The following NUP88 variants were observed in gnomAD, a reference collection of about 807,000 sequenced individuals.
NUP88 encodes nuclear pore complex protein Nup88.
A neutral mutation model predicts 93.9 loss-of-function variants in NUP88; 57 were observed. That is an observed-to-expected ratio of 0.61 (90% confidence interval 0.49 to 0.76). NUP88 has a LOEUF of 0.76. NUP88 is among the 30% of genes least tolerant of loss of function. The pLI is 0.00. For synonymous variants in NUP88, 346 were observed against 336.8 expected, an observed-to-expected ratio of 1.03 and a Z score of -0.30; for missense variants, 911 against 901.0, an observed-to-expected ratio of 1.01 and a Z score of -0.14.
intron 8 of NUP88, among the ~76,000 whole-genome samples, chr17:5,396,757 A>G (rs1429873886): frequency 6.6e-6 from 1 of 152,218 alleles, no homozygotes; most frequent in Non-Finnish European, 1.5e-5. Context: ...GCACTGTATA[A>G]AAGTCCCCAT....
rs1318514506 is a variant in NUP88 at position 5,410,757 on chromosome 17, G to C, written c.626C>G (p.Thr209Ser). ...GGCTTCTGAAAGTATTATCACGTTA[G>C]TGGGTGTCTGCGGCTCACGTAGTGA... ...IYSLREPQTPTNVIILSEAEE... is the reference protein window; with the variant it reads ...IYSLREPQTPSNVIILSEAEE... Residue 209 changes from threonine to serine, a missense_variant, in exon 4 of 17, where the codon ACT becomes AGT. Thr to Ser is a moderately conservative substitution (Grantham distance 58, BLOSUM62 1). Transcript: ENST00000573584. 6.2e-7 allele frequency: 1 copy of C among 1,612,802 alleles called. No individual in the cohort carries two copies. Among genetic ancestry groups the C allele is most frequent in the South Asian group, 1.1e-5 (1 of 90,950 alleles).
intron 5 of NUP88, 39 bp downstream of exon 5, chr17:5,408,694 C>CT (rs1913641424): frequency 6.6e-7 from 1 of 1,509,510 alleles, no homozygotes; most frequent in Non-Finnish European, 8.9e-7. Context: ...GGAGCCCAAA[C>CT]TGAGTTTTCA....
At position 5,399,629 on chromosome 17, in the gene NUP88, T is replaced by A; in HGVS notation, c.1214A>T (p.Tyr405Phe). 6.3e-7 allele frequency: 1 copy of A among 1,599,478 alleles called. No individual in the cohort carries two copies. The highest frequency in any genetic ancestry group is 8.6e-7 in the Non-Finnish European group (1 of 1,168,898). The stretch of plus-strand genomic sequence containing the variant: ...TACACCAGCTTCATGAGTACAGTGA[T>A]ATCTTGAAGGACACTTGGGATCTGC... The part of the protein sequence containing the change: ...LHRDPKCPSR[Y>F]HCTHEAGVHS... Residue 405 changes from tyrosine to phenylalanine, a missense_variant, in exon 8 of 17, where the codon TAT (tyrosine) becomes TTT (phenylalanine). By Grantham distance (22) the Tyr-to-Phe change is conservative. Transcript: ENST00000573584.
At chr17:5,398,678 T>A (rs1266108728) in intron 8 of NUP88, among the ~76,000 whole-genome samples, 1 of 150,106 alleles carries the variant, frequency 6.7e-6, no homozygotes. Flanking sequence ...GCAACCTCCA[T>A]CCCTGGTTCA....
At chr17:5,395,537 TA>T (rs946030787) in intron 8 of NUP88, among the ~76,000 whole-genome samples, 44 of 151,514 alleles carry the variant, frequency 2.9e-4, no homozygotes, top group African/African-American at 9.2e-4. Flanking sequence ...ATAACAGCTT[TA>T]TTTTTTTTTG....
chr17:5,391,473 G>T, intron 10 of NUP88, 88 bp downstream of exon 10: 1 of 1,004,536 alleles, frequency 1.0e-6, no homozygotes. Flanking sequence ...CACATGTATA[G>T]CTTCAAGTTG....
chr17:5,398,032 G>A (rs928363204), intron 8 of NUP88, among the ~76,000 whole-genome samples: 31 of 151,414 alleles, frequency 2.0e-4, no homozygotes, highest in African/African-American at 6.3e-4. Flanking sequence ...TCAGCCTCCC[G>A]AGTAGCTGGG....
At chr17:5,406,670 T>C (rs1208502974) in intron 5 of NUP88, among the ~76,000 whole-genome samples, 1 of 151,956 alleles carries the variant, frequency 6.6e-6, no homozygotes, top group Non-Finnish European at 1.5e-5. Context: ...GGGTGTATAA[T>C]CAGGGGTGTC....
intron 2 of NUP88, among the ~76,000 whole-genome samples, chr17:5,414,839 C>A (rs934473034): frequency 6.6e-6 from 1 of 151,706 alleles, no homozygotes; most frequent in Non-Finnish European, 1.5e-5. Context: ...ATCGCTGGAA[C>A]CCAGGAGGTG....
At position 5,419,558 on chromosome 17, in the gene NUP88, C is replaced by T. The variant is rs980445787; in HGVS notation, c.93G>A (p.Leu31=). 1.2e-6 allele frequency: 2 copies of T among 1,612,688 alleles called. No homozygotes were observed. The highest frequency in any genetic ancestry group is 1.7e-5 in the Admixed American group (1 of 59,988). ...CAGCTTCGGTTGGACTCTGGTTTTT[C>T]AGTCCCTCCCGGAGCCGCAAGAACA... The part of the protein sequence containing the change: ...HVVFLRLREG[L]KNQSPTEAEK... Residue 31 remains leucine (L), a synonymous_variant, in exon 1 of 17, where the codon CTG becomes CTA. Transcript: ENST00000573584.
chr17:5,409,037 A>C (rs910239893), intron 4 of NUP88, 128 bp from the exon 5 acceptor site: 1 of 725,374 alleles, frequency 1.4e-6, no homozygotes, highest in South Asian at 2.1e-5. Context: ...TTTGTAGGCA[A>C]TGGACTGAAA....
chr17:5,403,203 C>T (rs1211711603), intron 7 of NUP88, among the ~76,000 whole-genome samples: 11 of 151,804 alleles, frequency 7.2e-5, no homozygotes, highest in Non-Finnish European at 1.6e-4. Context: ...AATTGCCAGG[C>T]GTAGTGGCTC....
intron 5 of NUP88, among the ~76,000 whole-genome samples, chr17:5,407,091 T>G (rs1806248): frequency 0.44 from 65,916 of 151,484 alleles, 15,027 homozygotes; most frequent in East Asian, 0.84. Flanking sequence ...TGAGATCATG[T>G]GTGAAAGGCA....
intron 9 of NUP88, among the ~76,000 whole-genome samples, chr17:5,394,315 A>G (rs1912633878): frequency 6.6e-6 from 1 of 152,192 alleles, no homozygotes; most frequent in Non-Finnish European, 1.5e-5. Context: ...AAACTTGAGA[A>G]AAGGGCTGCT....
intron 1 of NUP88, among the ~76,000 whole-genome samples, chr17:5,418,490 G>A (rs1474787183): frequency 6.6e-6 from 1 of 152,136 alleles, no homozygotes; most frequent in Non-Finnish European, 1.5e-5. Context: ...CTGACTTCAG[G>A]TGATCCACCT....
chr17:5,414,396 T>C (rs1344863073), intron 2 of NUP88, among the ~76,000 whole-genome samples: 2 of 151,960 alleles, frequency 1.3e-5, no homozygotes, highest in Non-Finnish European at 2.9e-5. Context: ...GGTTTCTCCA[T>C]GTTGGTCAGG....
At chr17:5,411,836 T>C (rs1428831218) in intron 3 of NUP88, among the ~76,000 whole-genome samples, 5 of 152,206 alleles carry the variant, frequency 3.3e-5, no homozygotes, top group African/African-American at 1.2e-4. Flanking sequence ...TCTTCCAATA[T>C]CAATAAAATG....
intron 3 of NUP88, among the ~76,000 whole-genome samples, chr17:5,412,871 AT>A (rs1398831107): frequency 6.6e-6 from 1 of 152,186 alleles, no homozygotes; most frequent in Non-Finnish European, 1.5e-5. Context: ...GGGGCAGCCC[AT>A]TCCTTACACT....
At chr17:5,397,548 A>C (rs1488491837) in intron 8 of NUP88, among the ~76,000 whole-genome samples, 1 of 152,198 alleles carries the variant, frequency 6.6e-6, no homozygotes. Context: ...TAGGAAATGC[A>C]TTCTACCCTA....
Sources: gnomAD v4.1 joint callset for allele counts (sites outside exome capture counted in the v4.1 genomes callset) on GRCh38, gnomAD v4.1.1 for gene constraint, MANE v1.5 for transcripts, NCBI Gene and HGNC (gene_info 2026-07-23, HGNC 2026-07-21) for gene names.